The following CCNH variants were observed in gnomAD, a reference collection of about 807,000 sequenced individuals.
CCNH encodes cyclin H.
Under a neutral mutation model 41.9 loss-of-function variants are expected in CCNH, and 31 were observed. The observed-to-expected ratio is 0.74, with a 90% CI of 0.56 to 1.00. The LOEUF (loss-of-function observed/expected upper bound fraction) is 1.00, where lower values mean the gene tolerates loss of function less well. Among genes scored for constraint, CCNH ranks in the 50% least tolerant of loss-of-function variants. CCNH has a pLI of 0.00. For missense variants in CCNH, 362 were observed against 388.4 expected (o/e 0.93, Z 0.57); for synonymous variants, 138 against 136.1 (o/e 1.01, Z -0.10).
intron 9 of CCNH, among the ~76,000 whole-genome samples, chr5:87,362,133 G>A (rs1760150952): frequency 6.6e-6 from 1 of 152,156 alleles, no homozygotes; most frequent in Non-Finnish European, 1.5e-5. Context: ...TATTCACCTA[G>A]CATTTCTCAC....
intron 9 of CCNH, among the ~76,000 whole-genome samples, chr5:87,384,721 T>C (rs1761948041): frequency 6.6e-6 from 1 of 152,152 alleles, no homozygotes; most frequent in East Asian, 1.9e-4. Flanking sequence ...CCAATACTTT[T>C]CATTTACATC....
chr5:87,409,629 C>CGTGTGTGT lies in CCNH; in HGVS notation c.241-274_241-267dup, dbSNP rs71610500. On this transcript the variant is annotated intron_variant, in intron 2 of 8. Coordinates refer to ENST00000256897, the MANE Select transcript of CCNH (RefSeq NM_001239.4). Reference sequence around the variant, plus strand: ...CCTATGGTCACTGGATTTAAAAATACGTGTGTGTGTGTGTGTGTGTGTGTG... The same window carrying CGTGTGTGT: ...CCTATGGTCACTGGATTTAAAAATACGTGTGTGTGTGTGTGTGTGTGTGTGTGTGTGTG... Among the ~76,000 whole-genome samples the CGTGTGTGT allele has an allele frequency of 7.4e-3, 1,079 of 146,078 alleles. 3 individuals carry two copies. Among genetic ancestry groups the CGTGTGTGT allele is most frequent in the South Asian group, 0.015 (68 of 4,514 alleles).
At chr5:87,314,031 T>A (rs1481722847), downstream of CCNH, among the ~76,000 whole-genome samples, 1 of 151,966 alleles carries the variant, frequency 6.6e-6, no homozygotes, top group Admixed American at 6.6e-5. Flanking sequence ...GAGCCAGGCG[T>A]GGTGGCACAT....
intron 7 of CCNH, among the ~76,000 whole-genome samples, chr5:87,397,631 C>T (rs1284392909): frequency 6.6e-6 from 1 of 152,030 alleles, no homozygotes; most frequent in Non-Finnish European, 1.5e-5. Flanking sequence ...GTTTGAGAAG[C>T]ACCCCTCAAG....
intron 9 of CCNH, among the ~76,000 whole-genome samples, chr5:87,364,237 G>A (rs1167543909): frequency 6.6e-6 from 1 of 152,064 alleles, no homozygotes; most frequent in Non-Finnish European, 1.5e-5. Flanking sequence ...GCAAATCTAC[G>A]TTTTATCCTG....
chr5:87,378,276 C>A, upstream of CCNH: 2 of 1,178,526 alleles, frequency 1.7e-6, no homozygotes, highest in Admixed American at 1.7e-5. Flanking sequence ...CAACGCTGCA[C>A]GCAAAAAGCA....
intron 9 of CCNH, among the ~76,000 whole-genome samples, chr5:87,360,026 T>G (rs1301667630): frequency 3.9e-5 from 6 of 152,202 alleles, no homozygotes; most frequent in African/African-American, 1.4e-4. Context: ...TTACTTTGGT[T>G]CTTCTTGCAT....
intron 9 of CCNH, among the ~76,000 whole-genome samples, chr5:87,348,743 A>C (rs1166882600): frequency 1.3e-5 from 2 of 151,874 alleles, no homozygotes; most frequent in African/African-American, 4.8e-5. Flanking sequence ...ATATGCATGT[A>C]CCACTGTGCC....
intron 9 of CCNH, among the ~76,000 whole-genome samples, chr5:87,355,770 T>G (rs1282458765): frequency 1.3e-5 from 2 of 152,224 alleles, no homozygotes; most frequent in African/African-American, 2.4e-5. Flanking sequence ...TTAAGAACAT[T>G]TGTGATTCAT....
At chr5:87,340,779 T>C (rs1033194308) in intron 9 of CCNH, among the ~76,000 whole-genome samples, 3 of 152,074 alleles carry the variant, frequency 2.0e-5, no homozygotes, top group African/African-American at 7.2e-5. Context: ...AAGTGGAAAG[T>C]ACATTCTAAG....
chr5:87,339,954 C>G (rs960515949), intron 9 of CCNH, among the ~76,000 whole-genome samples: 8 of 152,192 alleles, frequency 5.3e-5, no homozygotes, highest in Middle Eastern at 3.4e-3. Context: ...ATTTCTCCTT[C>G]TAAAATTCTA....
chr5:87,374,331 T>A, downstream of CCNH: 5 of 1,596,988 alleles, frequency 3.1e-6, no homozygotes, highest in Non-Finnish European at 4.3e-6. Context: ...GTAAGTCTTA[T>A]TTTATCATTA....
chr5:87,362,127 C>T (rs1760149493), intron 9 of CCNH, among the ~76,000 whole-genome samples: 1 of 152,158 alleles, frequency 6.6e-6, no homozygotes, highest in Non-Finnish European at 1.5e-5. Flanking sequence ...TGTCTGTATT[C>T]ACCTAGCATT....
chr5:87,322,547 C>T (rs1468540640), intron 9 of CCNH, among the ~76,000 whole-genome samples: 2 of 152,156 alleles, frequency 1.3e-5, no homozygotes, highest in Non-Finnish European at 2.9e-5. Context: ...CTCCCCCCTT[C>T]TCTTGCTCTC....
At chr5:87,385,602 C>T (rs546116529) in intron 9 of CCNH, among the ~76,000 whole-genome samples, 2 of 152,088 alleles carry the variant, frequency 1.3e-5, no homozygotes, top group South Asian at 2.1e-4. Context: ...TTATAGAAAA[C>T]GAATTTTTCA....
At chr5:87,360,418 G>C (rs1759997660) in intron 9 of CCNH, among the ~76,000 whole-genome samples, 1 of 152,160 alleles carries the variant, frequency 6.6e-6, no homozygotes. Context: ...GCAAAATGCA[G>C]TACTTTTGAA....
intron 9 of CCNH, among the ~76,000 whole-genome samples, chr5:87,362,151 A>G (rs940302411): frequency 2.6e-5 from 4 of 152,216 alleles, no homozygotes; most frequent in African/African-American, 7.2e-5. Flanking sequence ...CACAGACACA[A>G]TTGTGCATAG....
intron 9 of CCNH, among the ~76,000 whole-genome samples, chr5:87,335,598 A>C (rs1757917057): frequency 6.7e-6 from 1 of 150,184 alleles, no homozygotes. Context: ...GCTAATTTTG[A>C]TATTTTTAGT....
chr5:87,378,475 G>A (rs1761470508), upstream of CCNH: 2 of 1,612,392 alleles, frequency 1.2e-6, no homozygotes, highest in East Asian at 2.2e-5. Context: ...CTGCTACACA[G>A]TTTGTTCATC....
Sources: allele counts gnomAD v4.1 joint callset (sites outside exome capture counted in the v4.1 genomes callset), GRCh38; gene constraint gnomAD v4.1.1; transcripts MANE v1.5; gene names NCBI Gene and HGNC (gene_info 2026-07-23, HGNC 2026-07-21).